RDH16: variants seen among roughly 807,000 people sequenced by gnomAD.
RDH16 encodes human epidermal retinol dehydrogenase.
In RDH16, 25 loss-of-function variants were observed where a neutral mutation model predicts 22.3. That is an observed-to-expected ratio of 1.12 (90% CI 0.82 to 1.56). The LOEUF is 1.56. Ranked by LOEUF, RDH16 falls within the 40% of genes most tolerant of loss-of-function variation. The probability of loss-of-function intolerance (pLI) is 0.00; values close to 1 mark genes in which losing one functional copy is unlikely to be tolerated. For missense variants in RDH16, 413 were observed against 394.9 expected, an observed-to-expected ratio of 1.05 and a Z score of -0.39; for synonymous variants, 154 against 164.4, an observed-to-expected ratio of 0.94 and a Z score of 0.48.
intron 1 of RDH16, 54 bp downstream of exon 1, chr12:56,957,096 G>A: frequency 6.6e-7 from 1 of 1,518,030 alleles, no homozygotes; most frequent in South Asian, 1.2e-5. Context: ...ACAGGAGGTG[G>A]TCCCTTCACA....
In RDH16 at chr12:56,957,277, C is replaced by T. The variant is rs138815959; in HGVS notation, c.186G>A (p.Thr62=). ...CCCTCAGCTGCTCGGCTCCTTTCTC[C>T]GTCAGACATGCAGCCAGCACCCGCA... ...RGLRVLAACL[T]EKGAEQLRGQ... is the part of the protein sequence containing the mutation. Residue 62 remains threonine, a synonymous_variant, in exon 1 of 4, where the codon ACG becomes ACA. Transcript: ENST00000398138. 2.0e-3 allele frequency: 3,265 copies of T among 1,614,142 alleles called. 59 individuals carry two copies. The African/African-American group carries it at 0.038, about 19-fold the overall frequency.
At chr12:56,952,287 T>C in intron 3 of RDH16, 41 bp from the exon 4 acceptor site, 1 of 1,568,326 alleles carries the variant, frequency 6.4e-7, no homozygotes, top group Non-Finnish European at 8.7e-7. Context: ...TTTCCACCTC[T>C]AACCGCTCCT....
At chr12:56,952,394 C>T in intron 3 of RDH16, 148 bp from the exon 4 acceptor site, 2 of 743,248 alleles carry the variant, frequency 2.7e-6, no homozygotes, top group Non-Finnish European at 4.4e-6. Flanking sequence ...ATCCAAATTC[C>T]CTGAGCTGGA....
chr12:56,952,349 C>A (rs189168296), intron 3 of RDH16, 103 bp from the exon 4 acceptor site: 6 of 1,062,314 alleles, frequency 5.6e-6, no homozygotes, highest in Non-Finnish European at 8.2e-6. Flanking sequence ...TGCCACCCCA[C>A]AACCCCCAGT....
chr12:56,954,677 G>GA (rs1955910675), intron 2 of RDH16, among the ~76,000 whole-genome samples: 1 of 152,218 alleles, frequency 6.6e-6, no homozygotes, highest in Non-Finnish European at 1.5e-5. Flanking sequence ...TATCGTTCAA[G>GA]AAACTCTCTG....
intron 1 of RDH16, 21 bp downstream of exon 1, chr12:56,957,129 T>A: frequency 6.3e-7 from 1 of 1,587,874 alleles, no homozygotes; most frequent in Non-Finnish European, 8.6e-7. Context: ...ACAGACAGAC[T>A]TGACAAACCT....
rs756118236 is a variant in RDH16, at chr12:56,957,156, C to T, written c.307G>A (p.Asp103Asn). Residue 103 changes from aspartate (D) to asparagine (N), a missense_variant, in exon 1 of 4, where the codon GAC (aspartate) becomes AAC (asparagine). Asp to Asn is a conservative substitution (Grantham distance 23). Transcript: ENST00000398138. ...AAQWVKECVRDKGLWGLVNNA... is the reference protein window; with the variant it reads ...AAQWVKECVRNKGLWGLVNNA... The stretch of plus-strand genomic sequence containing the variant: ...GACAAACCTGGGTGGTTACCTTTGT[C>T]TCTCACGCACTCCTTCACCCACTGG... The T allele has an allele frequency of 1.9e-6, 3 of 1,606,744 alleles. 1 individual carries two copies. The South Asian group carries it at 3.3e-5, about 18-fold the overall frequency.
Position 56,957,606 on chromosome 12 carries a change from C to T in RDH16, c.-144G>A. On this transcript the variant is annotated 5_prime_UTR_variant, in exon 1 of 4. Transcript: ENST00000398138. Reference sequence around the variant, plus strand: ...TTGGCAGGGAATCCTCACTTTCCTCCCTGATGACTGCCTTTCTGCAACATA... The same window carrying T: ...TTGGCAGGGAATCCTCACTTTCCTCTCTGATGACTGCCTTTCTGCAACATA... The T allele has an allele frequency of 2.4e-6, 2 of 836,518 alleles. No individual in the cohort carries two copies. Among genetic ancestry groups the T allele is most frequent in the Non-Finnish European group, 3.7e-6 (2 of 538,166 alleles). The allele number at this position is 836,518 out of a possible 1,614,324, so 51.8% of individuals were successfully genotyped here.
chr12:56,952,023 T>A lies in RDH16; in HGVS notation c.*6A>T. 6.2e-7 allele frequency: 1 copy of A among 1,613,078 alleles called. No homozygotes were observed. The highest frequency in any genetic ancestry group is 8.5e-7 in the Non-Finnish European group (1 of 1,179,142). ...AATCCATGCAACCATGCATCCAACC[T>A]TAGCTTCATAGAGCCTTGGCCGGGC... On this transcript the variant is annotated 3_prime_UTR_variant, in exon 4 of 4. Transcript: ENST00000398138.
chr12:56,951,972 T>A lies in RDH16; in HGVS notation c.*57A>T. Reference sequence around the variant, plus strand: ...CTCCACTTTATATCTCTCCCAAGGATACACCACCCCTCATAGCACACCCCA... The same window carrying A: ...CTCCACTTTATATCTCTCCCAAGGAAACACCACCCCTCATAGCACACCCCA... On this transcript the variant is annotated 3_prime_UTR_variant, in exon 4 of 4. Coordinates refer to ENST00000398138, the MANE Select transcript of RDH16 (RefSeq NM_003708.5). 6.6e-7 allele frequency: 1 copy of A among 1,503,868 alleles called. No individual in the cohort carries two copies. The highest frequency in any genetic ancestry group is 1.1e-5 in the South Asian group (1 of 87,428). 93.2% of individuals were successfully genotyped at this position (1,503,868 alleles called of 1,614,324 possible).
Position 56,952,979 on chromosome 12 carries a change from G to C in RDH16, c.584C>G (p.Ser195Cys). 1 of 1,612,360 alleles carries C rather than the reference G, an allele frequency of 6.2e-7. No homozygotes were observed. Among genetic ancestry groups the C allele is most frequent in the South Asian group, 1.1e-5 (1 of 90,604 alleles). ...CATAGCCACCTTCACCCCAAAGTAG[G>C]AGAGTTCCCTCCTGCAAGACAGAGA... ...AFSDSLRREL[S>C]YFGVKVAMIE... is the part of the protein sequence containing the mutation. The change falls in exon 3 of 4, where the codon TCC (serine) becomes TGC (cysteine). Residue 195 changes from serine (S) to cysteine (C), a missense_variant. Transcript: ENST00000398138.
chr12:56,953,579 C>A (rs930214170), intron 2 of RDH16, among the ~76,000 whole-genome samples: 1 of 152,246 alleles, frequency 6.6e-6, no homozygotes, highest in African/African-American at 2.4e-5. Flanking sequence ...AAGGAGCCCA[C>A]CTATGACCAC....
rs1456112090 is a variant in RDH16, at chr12:56,957,141, G to C, written c.313+9C>G. On this transcript the variant is annotated intron_variant, in intron 1 of 3. Transcript: ENST00000398138. ...GACACAGACAGACTTGACAAACCTG[G>C]GTGGTTACCTTTGTCTCTCACGCAC... 2.5e-6 allele frequency: 4 copies of C among 1,598,540 alleles called. No homozygotes were observed. Among genetic ancestry groups the C allele is most frequent in the Admixed American group, 1.7e-5 (1 of 59,534 alleles).
At position 56,955,067 on chromosome 12, in the gene RDH16, G is replaced by A. The variant is rs755018495; in HGVS notation, c.411C>T (p.Asn137=). ...KQDFVTILDV[N]LLGVIDVTLS... The stretch of plus-strand genomic sequence containing the variant: ...GAGTCACATCAATCACCCCCAACAA[G>A]TTCACGTCCAGTATGGTCACGAAGT... Residue 137 remains asparagine (N), a synonymous_variant, in exon 2 of 4, where the codon AAC becomes AAT. Coordinates refer to ENST00000398138, the MANE Select transcript of RDH16 (RefSeq NM_003708.5). 4 of 1,614,140 alleles carry A rather than the reference G, an allele frequency of 2.5e-6. No homozygotes were observed. The highest frequency in any genetic ancestry group is 1.7e-6 in the Non-Finnish European group (2 of 1,180,034).
intron 1 of RDH16, among the ~76,000 whole-genome samples, chr12:56,956,866 C>T (rs115088036): frequency 0.011 from 1,640 of 152,154 alleles, 31 homozygotes; most frequent in African/African-American, 0.037. Context: ...CATCAAACAA[C>T]ACATGACTTC....
At chr12:56,953,078 C>T (rs1449099046) in intron 2 of RDH16, 88 bp from the exon 3 acceptor site, 1 of 1,182,112 alleles carries the variant, frequency 8.5e-7, no homozygotes, top group Admixed American at 2.3e-5. Context: ...GATATCACAA[C>T]ATATGAGGAC....
intron 1 of RDH16, among the ~76,000 whole-genome samples, chr12:56,956,911 C>G (rs1285595965): frequency 6.6e-6 from 1 of 152,126 alleles, no homozygotes; most frequent in African/African-American, 2.4e-5. Flanking sequence ...GAGAGGAATT[C>G]TGGAGAGAAA....
intron 2 of RDH16, 50 bp downstream of exon 2, chr12:56,954,856 A>G: frequency 6.2e-7 from 1 of 1,600,480 alleles, no homozygotes; most frequent in Non-Finnish European, 8.5e-7. Flanking sequence ...AGACTTCCCC[A>G]CAAGGACAGG....
At position 56,954,898 on chromosome 12, in the gene RDH16, A is replaced by G; in HGVS notation, c.572+8T>C. 6.2e-7 allele frequency: 1 copy of G among 1,614,028 alleles called. No homozygotes were observed. The highest frequency in any genetic ancestry group is 1.1e-5 in the South Asian group (1 of 91,060). On this transcript the variant is annotated splice_region_variant and intron_variant, in intron 2 of 3. Coordinates refer to ENST00000398138, the MANE Select transcript of RDH16 (RefSeq NM_003708.5). ...AAGACTAGGGTGGGCCCCATCCCAGACCCATACCTGAGGGAGTCAGAGAAG... is the reference window on the plus strand; with the variant it reads ...AAGACTAGGGTGGGCCCCATCCCAGGCCCATACCTGAGGGAGTCAGAGAAG...
Sources: allele counts gnomAD v4.1 joint callset (sites outside exome capture counted in the v4.1 genomes callset), GRCh38; gene constraint gnomAD v4.1.1; transcripts MANE v1.5; gene names NCBI Gene and HGNC (gene_info 2026-07-23, HGNC 2026-07-21).